The following CDH12 variants were observed in gnomAD, a reference collection of about 807,000 sequenced individuals.
The protein encoded by CDH12 is cadherin 12.
Under a neutral mutation model 74.1 loss-of-function variants are expected in CDH12, and 41 were observed. That is an observed-to-expected ratio of 0.55 (90% CI 0.43 to 0.72). CDH12 has a LOEUF of 0.72. CDH12 is among the 30% of genes least tolerant of loss of function. The probability of loss-of-function intolerance (pLI) is 0.00; values close to 1 mark genes in which losing one functional copy is unlikely to be tolerated. For synonymous variants in CDH12, 399 were observed against 355.0 expected, an observed-to-expected ratio of 1.12 and a Z score of -1.39; for missense variants, 945 against 977.2, an observed-to-expected ratio of 0.97 and a Z score of 0.44.
intron 5 of CDH12, among the ~76,000 whole-genome samples, chr5:22,035,538 T>C (rs911248845): frequency 1.3e-5 from 2 of 151,936 alleles, no homozygotes; most frequent in Admixed American, 6.6e-5. Flanking sequence ...AAATAGCAAA[T>C]ATAATAGGTT....
chr5:21,787,561 T>TGCAATATTTGCTTTATC (rs1746264798), intron 10 of CDH12, among the ~76,000 whole-genome samples: 1 of 152,208 alleles, frequency 6.6e-6, no homozygotes, highest in South Asian at 2.1e-4. Flanking sequence ...CTTGCTTTAT[T>TGCAATATTTGCTTTATC]GCAATATTTG....
At chr5:22,146,609 C>T (rs1455156953) in intron 4 of CDH12, among the ~76,000 whole-genome samples, 7 of 152,114 alleles carry the variant, frequency 4.6e-5, no homozygotes, top group African/African-American at 1.7e-4. Flanking sequence ...GAGCATTGTA[C>T]ACTAGTTACC....
intron 4 of CDH12, among the ~76,000 whole-genome samples, chr5:22,090,259 T>G (rs1743330867): frequency 6.6e-6 from 1 of 151,908 alleles, no homozygotes; most frequent in Admixed American, 6.6e-5. Context: ...TGAACAACTT[T>G]ATGCCAACAA....
At chr5:22,121,510 T>A (rs982386285) in intron 4 of CDH12, among the ~76,000 whole-genome samples, 1 of 152,078 alleles carries the variant, frequency 6.6e-6, no homozygotes, top group Non-Finnish European at 1.5e-5. Flanking sequence ...GATTCGGGAG[T>A]CTCATGTTTC....
intron 6 of CDH12, among the ~76,000 whole-genome samples, chr5:21,907,664 AGCCAGCCCTAGG>A (rs1753700111): frequency 6.6e-6 from 1 of 152,242 alleles, no homozygotes. Context: ...AAAATCCTAG[AGCCAGCCCTAGG>A]GCAGGATATT....
At chr5:22,250,167 G>C (rs150736560) in intron 3 of CDH12, among the ~76,000 whole-genome samples, 234 of 149,330 alleles carry the variant, frequency 1.6e-3, no homozygotes, top group Non-Finnish European at 2.3e-3. Context: ...TGCCAGATTA[G>C]GCTAAATATT....
chr5:22,360,246 G>A (rs1221269028), intron 3 of CDH12, among the ~76,000 whole-genome samples: 2 of 151,954 alleles, frequency 1.3e-5, no homozygotes, highest in African/African-American at 4.8e-5. Context: ...TGATAAAGGG[G>A]ATATCACCAC....
At chr5:22,390,497 C>A (rs1353696703) in intron 3 of CDH12, among the ~76,000 whole-genome samples, 1 of 151,774 alleles carries the variant, frequency 6.6e-6, no homozygotes, top group African/African-American at 2.4e-5. Flanking sequence ...TTATAAGCAT[C>A]TCACTTCCAA....
chr5:22,020,843 T>C (rs976065805), intron 5 of CDH12, among the ~76,000 whole-genome samples: 5 of 152,144 alleles, frequency 3.3e-5, no homozygotes, highest in African/African-American at 1.2e-4. Context: ...CATATGAATT[T>C]TGGGGAGGGG....
chr5:22,704,435 T>A (rs980386999), intron 1 of CDH12, among the ~76,000 whole-genome samples: 5 of 152,136 alleles, frequency 3.3e-5, no homozygotes, highest in Admixed American at 3.3e-4. Context: ...AAAACTATTT[T>A]AAAATACTCC....
chr5:22,685,854 A>G (rs985824014), intron 1 of CDH12, among the ~76,000 whole-genome samples: 3 of 152,202 alleles, frequency 2.0e-5, no homozygotes, highest in African/African-American at 7.2e-5. Context: ...TGCCATTACG[A>G]ACATGTGTGT....
chr5:22,317,323 A>G (rs10473589), intron 3 of CDH12, among the ~76,000 whole-genome samples: 2,691 of 152,292 alleles, frequency 0.018, 30 homozygotes, highest in Middle Eastern at 0.024. Flanking sequence ...GTCTCAAAAA[A>G]AAAATAAAAA....
chr5:22,541,797 C>T (rs1167738386), intron 1 of CDH12, among the ~76,000 whole-genome samples: 1 of 152,176 alleles, frequency 6.6e-6, no homozygotes, highest in Non-Finnish European at 1.5e-5. Flanking sequence ...ATGAGTAAAA[C>T]TAGGACCTAA....
chr5:21,808,305 T>C (rs533980924), intron 9 of CDH12, among the ~76,000 whole-genome samples: 5 of 152,236 alleles, frequency 3.3e-5, no homozygotes, highest in African/African-American at 1.2e-4. Flanking sequence ...TATGACTCAC[T>C]GTAGCCGTGG....
intron 3 of CDH12, among the ~76,000 whole-genome samples, chr5:22,320,328 A>C (rs1383885038): frequency 2.0e-5 from 3 of 152,076 alleles, no homozygotes; most frequent in African/African-American, 7.2e-5. Flanking sequence ...TGTTACCACA[A>C]CTCAAAGTCA....
chr5:22,041,818 G>A (rs984259230), intron 5 of CDH12, among the ~76,000 whole-genome samples: 2 of 152,006 alleles, frequency 1.3e-5, no homozygotes, highest in African/African-American at 2.4e-5. Context: ...GGCCTAACAG[G>A]TATATAAAAA....
At chr5:22,317,076 G>C (rs1738663532) in intron 3 of CDH12, among the ~76,000 whole-genome samples, 1 of 152,056 alleles carries the variant, frequency 6.6e-6, no homozygotes, top group African/African-American at 2.4e-5. Flanking sequence ...CTAGCACTTT[G>C]GGAGACCGAG....
intron 6 of CDH12, among the ~76,000 whole-genome samples, chr5:21,911,380 T>C (rs1228225689): frequency 6.6e-6 from 1 of 152,182 alleles, no homozygotes; most frequent in Non-Finnish European, 1.5e-5. Flanking sequence ...TTTTTACTTT[T>C]ATTTTTTATT....
chr5:22,566,864 T>G (rs72746612), intron 1 of CDH12, among the ~76,000 whole-genome samples: 1 of 152,130 alleles, frequency 6.6e-6, no homozygotes, highest in Non-Finnish European at 1.5e-5. Context: ...ACTTGACAAG[T>G]GACATTCAAA....
Sources: gnomAD v4.1 joint callset for allele counts (sites outside exome capture counted in the v4.1 genomes callset) on GRCh38, gnomAD v4.1.1 for gene constraint, MANE v1.5 for transcripts, NCBI Gene and HGNC (gene_info 2026-07-23, HGNC 2026-07-21) for gene names.